Variants in PCDHA8 observed in about 807,000 individuals in gnomAD.
PCDHA8 encodes the protein protocadherin alpha-8.
A neutral mutation model predicts 61.8 loss-of-function variants in PCDHA8; 53 were observed. That is an observed-to-expected ratio of 0.86 (90% CI 0.69 to 1.08). The LOEUF (loss-of-function observed/expected upper bound fraction) is 1.08. Among genes scored for constraint, PCDHA8 ranks in the 50% least tolerant of loss-of-function variants. The pLI is 0.00. For synonymous variants in PCDHA8, 618 were observed against 556.6 expected (o/e 1.11, Z -1.55); for missense variants, 1,293 against 1,245.0 (o/e 1.04, Z -0.58).
chr5:140,854,158 T>C, intron 1 of PCDHA8: 3 of 123,422 alleles, frequency 2.4e-5, no homozygotes, highest in Non-Finnish European at 3.1e-5. Flanking sequence ...AGATTCTGTC[T>C]CAAAAAAAAA....
At chr5:140,850,223 A>T in intron 1 of PCDHA8, 1 of 1,593,640 alleles carries the variant, frequency 6.3e-7, no homozygotes, top group Non-Finnish European at 8.6e-7. Flanking sequence ...CTGACGGCGC[A>T]GTGAGCGAGA....
At chr5:140,909,582 T>G (rs1407869706) in intron 1 of PCDHA8, among the ~76,000 whole-genome samples, 1 of 152,298 alleles carries the variant, frequency 6.6e-6, no homozygotes, top group Non-Finnish European at 1.5e-5. Flanking sequence ...TGTGATATGT[T>G]TTTTGATTTA....
chr5:141,010,612 A>C lies in PCDHA8; in HGVS notation c.*675A>C. Reference sequence around the variant, plus strand: ...GTTGGCTGTGACGTCATTATACCTAAAATCTGCATCATACCTGCAAGCCAA... The same window carrying C: ...GTTGGCTGTGACGTCATTATACCTACAATCTGCATCATACCTGCAAGCCAA... On this transcript the variant is annotated 3_prime_UTR_variant, in exon 4 of 4. Transcript: ENST00000531613. 1 of 196,976 alleles carries C rather than the reference A, an allele frequency of 5.1e-6. No individual in the cohort carries two copies. The highest frequency in any genetic ancestry group is 1.0e-5 in the Non-Finnish European group (1 of 95,484). 12.2% of individuals were successfully genotyped at this position (196,976 alleles called of 1,614,324 possible). A position where few individuals can be genotyped will look rare whatever the true frequency, so the allele number is the denominator to read the frequency against.
intron 1 of PCDHA8, chr5:140,871,311 C>A (rs782501180): frequency 6.2e-7 from 1 of 1,613,922 alleles, no homozygotes; most frequent in African/African-American, 1.3e-5. Flanking sequence ...CGGGGAAGCC[C>A]ACGCTGGTGT....
At chr5:140,956,594 T>C (rs2095295015) in intron 1 of PCDHA8, among the ~76,000 whole-genome samples, 1 of 152,210 alleles carries the variant, frequency 6.6e-6, no homozygotes, top group Non-Finnish European at 1.5e-5. Flanking sequence ...TTATCAGGGA[T>C]ATCAGCTGGA....
At chr5:140,941,214 C>CTTTCTTTCTTTCTTTTT (rs1554214039) in intron 1 of PCDHA8, among the ~76,000 whole-genome samples, 1 of 122,414 alleles carries the variant, frequency 8.2e-6, no homozygotes, top group East Asian at 2.3e-4. Context: ...TTTCTTTCTT[C>CTTTCTTTCTTTCTTTTT]CTTTCTTTCT....
intron 1 of PCDHA8, chr5:140,967,251 C>T: frequency 6.2e-7 from 1 of 1,613,408 alleles, no homozygotes; most frequent in Non-Finnish European, 8.5e-7. Context: ...GAATCGGTGG[C>T]GCCTGGAGCG....
At chr5:140,881,070 T>C (rs1461614506) in intron 1 of PCDHA8, among the ~76,000 whole-genome samples, 6 of 152,208 alleles carry the variant, frequency 3.9e-5, no homozygotes, top group Non-Finnish European at 8.8e-5. Flanking sequence ...CAGATAATTA[T>C]TGGAGCTATG....
intron 3 of PCDHA8, among the ~76,000 whole-genome samples, chr5:140,985,454 A>G (rs1378044295): frequency 1.3e-5 from 2 of 152,188 alleles, no homozygotes; most frequent in Non-Finnish European, 2.9e-5. Context: ...GAAAAGGGAA[A>G]TGCTCCAAAA....
intron 1 of PCDHA8, chr5:140,852,548 T>C: frequency 3.3e-6 from 2 of 614,864 alleles, no homozygotes; most frequent in South Asian, 7.0e-5. Context: ...AGTGCTGGGA[T>C]TAAAGCTGTG....
chr5:140,867,619 C>T (rs1554161426), intron 1 of PCDHA8: 3 of 152,174 alleles, frequency 2.0e-5, no homozygotes, highest in South Asian at 4.1e-4. Flanking sequence ...AACTATAGAA[C>T]AAAATATTTA....
In PCDHA8 at chr5:140,858,360, G is replaced by A. The variant is rs782369682; in HGVS notation, c.2394+14645G>A. The stretch of plus-strand genomic sequence containing the variant: ...CCCAAGGCGGACCTCATGGCCTTCA[G>A]CCCCAGCCTTCCACCATGCCCAATG... On this transcript the variant is annotated intron_variant, in intron 1 of 3. Coordinates refer to ENST00000531613, the MANE Select transcript of PCDHA8 (RefSeq NM_018911.3). 3 of 1,592,532 alleles carry A rather than the reference G, an allele frequency of 1.9e-6. No homozygotes were observed. The South Asian group carries it at 3.3e-5, about 18-fold the overall frequency.
In PCDHA8 at chr5:140,870,537, G is replaced by A. The variant is rs575452776; in HGVS notation, c.2394+26822G>A. On this transcript the variant is annotated intron_variant, in intron 1 of 3. Transcript: ENST00000531613. ...GCTGCCACATCTTCACAGTGTCGGC[G>A]CGGGACGCGGACGCGCAGGAGAACG... 9.3e-6 allele frequency: 15 copies of A among 1,614,172 alleles called. No homozygotes were observed. In the African/African-American group the frequency reaches 1.7e-4, roughly 19 times the overall value.
chr5:140,869,428 A>T, intron 1 of PCDHA8: 1 of 1,614,214 alleles, frequency 6.2e-7, no homozygotes, highest in Non-Finnish European at 8.5e-7. Context: ...CCTGGAGGTG[A>T]TCGTGGACAG....
chr5:140,982,330 A>G (rs1164990385), intron 2 of PCDHA8, 145 bp from the exon 3 acceptor site: 3 of 1,429,408 alleles, frequency 2.1e-6, no homozygotes, highest in Non-Finnish European at 2.8e-6. Flanking sequence ...GTGACTGCTC[A>G]GCAGTAATTG....
At chr5:141,008,698 G>A (rs246582) in intron 3 of PCDHA8, among the ~76,000 whole-genome samples, 2,594 of 152,212 alleles carry the variant, frequency 0.017, 88 homozygotes, top group African/African-American at 0.059. Context: ...GTATTAAGTT[G>A]GTTTCTAGTT....
intron 1 of PCDHA8, among the ~76,000 whole-genome samples, chr5:140,890,244 C>T (rs1404459938): frequency 6.6e-6 from 1 of 152,052 alleles, no homozygotes; most frequent in Non-Finnish European, 1.5e-5. Flanking sequence ...TTTACCAGTA[C>T]ACTACTGCAC....
intron 1 of PCDHA8, chr5:140,928,218 A>G: frequency 6.2e-7 from 1 of 1,614,190 alleles, no homozygotes; most frequent in East Asian, 2.2e-5. Flanking sequence ...ATGACAATAC[A>G]CCAAACTTTC....
chr5:140,858,711 A>T, intron 1 of PCDHA8: 1 of 537,382 alleles, frequency 1.9e-6, no homozygotes, highest in East Asian at 3.0e-5. Context: ...TATGTGATAT[A>T]GGTTGCAGTT....
Sources: allele counts gnomAD v4.1 joint callset (sites outside exome capture counted in the v4.1 genomes callset), GRCh38; gene constraint gnomAD v4.1.1; transcripts MANE v1.5; gene names NCBI Gene and HGNC (gene_info 2026-07-23, HGNC 2026-07-21).